The following CADPS variants were observed in gnomAD, a reference collection of about 807,000 sequenced individuals.
CADPS encodes calcium dependent secretion activator.
A neutral mutation model predicts 167.3 loss-of-function variants in CADPS; 57 were observed. The observed-to-expected ratio is 0.34, with a 90% CI of 0.28 to 0.42. The LOEUF (loss-of-function observed/expected upper bound fraction) is 0.42. CADPS is among the 20% of genes least tolerant of loss of function. The probability of loss-of-function intolerance (pLI) is 1.00; values close to 1 mark genes in which losing one functional copy is unlikely to be tolerated. For missense variants in CADPS, 1,414 were observed against 1,738.1 expected, an observed-to-expected ratio of 0.81 and a Z score of 3.32; for synonymous variants, 676 against 635.3, an observed-to-expected ratio of 1.06 and a Z score of -0.96.
intron 3 of CADPS, among the ~76,000 whole-genome samples, chr3:62,707,207 G>A (rs1306142760): frequency 6.6e-6 from 1 of 152,018 alleles, no homozygotes; most frequent in Non-Finnish European, 1.5e-5. Context: ...ATTCTTATAG[G>A]AGCGCGAACC....
At chr3:62,414,033 T>C (rs2149291921) in intron 28 of CADPS, among the ~76,000 whole-genome samples, 1 of 152,352 alleles carries the variant, frequency 6.6e-6, no homozygotes, top group African/African-American at 2.4e-5. Flanking sequence ...ATTTGCTCAG[T>C]CATTTATTTG....
In CADPS at chr3:62,545,161, A is replaced by G. The variant is rs139837873; in HGVS notation, c.1966+4742T>C. Among the ~76,000 whole-genome samples, 359 of 152,288 alleles carry G rather than the reference A, an allele frequency of 2.4e-3. 1 individual carries two copies. The highest frequency in any genetic ancestry group is 3.8e-3 in the Non-Finnish European group (261 of 68,012). On this transcript the variant is annotated intron_variant, in intron 11 of 29. Transcript: ENST00000383710. ...TTAACAGTTATTAGTTGAGAAACAG[A>G]CATTAAAATGACTCATTGCAAGTGA...
intron 4 of CADPS, among the ~76,000 whole-genome samples, chr3:62,652,947 T>C (rs1050267612): frequency 3.3e-5 from 5 of 152,162 alleles, no homozygotes; most frequent in Admixed American, 1.3e-4. Flanking sequence ...TTCTTCTCCA[T>C]AGAGCTTGGA....
intron 4 of CADPS, among the ~76,000 whole-genome samples, chr3:62,656,914 C>T (rs903455648): frequency 2.0e-5 from 3 of 152,094 alleles, no homozygotes; most frequent in African/African-American, 4.8e-5. Context: ...TATATTTTTC[C>T]GTGAGCTCAG....
chr3:62,795,653 A>T (rs566710817), intron 1 of CADPS, among the ~76,000 whole-genome samples: 1 of 152,146 alleles, frequency 6.6e-6, no homozygotes, highest in Non-Finnish European at 1.5e-5. Context: ...AGTGCCAGAC[A>T]TTGGAGGTCA....
At chr3:62,729,454 G>C (rs1441061349) in intron 3 of CADPS, among the ~76,000 whole-genome samples, 1 of 151,786 alleles carries the variant, frequency 6.6e-6, no homozygotes, top group African/African-American at 2.4e-5. Flanking sequence ...AAGGTGGTTT[G>C]CACACCAGCC....
At chr3:62,556,738 T>C (rs1382277735) in intron 10 of CADPS, among the ~76,000 whole-genome samples, 1 of 151,946 alleles carries the variant, frequency 6.6e-6, no homozygotes, top group African/African-American at 2.4e-5. Context: ...GGGCAGGATG[T>C]AGAACTTATG....
intron 28 of CADPS, among the ~76,000 whole-genome samples, chr3:62,436,151 G>T (rs1486924446): frequency 6.6e-6 from 1 of 152,076 alleles, no homozygotes; most frequent in Non-Finnish European, 1.5e-5. Flanking sequence ...GCTGCGTTCA[G>T]CAAGGCTACC....
rs559928669 is a variant in CADPS at position 62,596,071 on chromosome 3, G to GT, written c.1326-3324dup. 1.9e-4 allele frequency among the ~76,000 whole-genome samples: 27 copies of GT among 144,278 alleles called. No homozygotes were observed. In the East Asian group the frequency reaches 5.3e-3, roughly 29 times the overall value. The allele number at this position is 144,278 out of a possible 152,430, so 94.7% of individuals were successfully genotyped here. A position where few individuals can be genotyped will look rare whatever the true frequency, so the allele number is the denominator to read the frequency against. On this transcript the variant is annotated intron_variant, in intron 6 of 29. Transcript: ENST00000383710. ...GTAAGTTAATACTTAATTAACTCCC[G>GT]TTTTTATATATATGTATACACACAC... is the stretch of plus-strand genomic sequence containing the variant.
chr3:62,626,338 C>T (rs2248008), intron 6 of CADPS: 442,932 of 463,192 alleles, frequency 0.96, 212,182 homozygotes, highest in East Asian at 1. Context: ...CAAGCTGGCA[C>T]GGATTTACTA....
chr3:62,471,009 T>C (rs895473005), intron 24 of CADPS, among the ~76,000 whole-genome samples: 3 of 152,182 alleles, frequency 2.0e-5, no homozygotes, highest in South Asian at 4.1e-4. Flanking sequence ...ATGTCAAAAA[T>C]GTTACTGCAA....
rs1034588168 is a variant in CADPS, at chr3:62,601,863, T to G, written c.1326-9115A>C. Among the ~76,000 whole-genome samples, 4 of 152,016 alleles carry G rather than the reference T, an allele frequency of 2.6e-5. No homozygotes were observed. Among genetic ancestry groups the G allele is most frequent in the African/African-American group, 9.7e-5 (4 of 41,392 alleles). The stretch of plus-strand genomic sequence containing the variant: ...GAACACTTTGATCTGGGGGAGAAAA[T>G]GAGGGAGAAGAATATGCTTTTGGGA... On this transcript the variant is annotated intron_variant, in intron 6 of 29. Transcript: ENST00000383710. This position sits in a 1 kb window ranked among gnomAD's most constrained non-coding sequence, Gnocchi z 4.3.
At chr3:62,863,809 G>T (rs960335590) in intron 1 of CADPS, among the ~76,000 whole-genome samples, 3 of 152,224 alleles carry the variant, frequency 2.0e-5, no homozygotes, top group Admixed American at 6.5e-5. Context: ...AAGATTTTAA[G>T]ATGAGTTGCA....
chr3:62,795,637 C>T (rs2093353993), intron 1 of CADPS, among the ~76,000 whole-genome samples: 1 of 152,082 alleles, frequency 6.6e-6, no homozygotes, highest in Non-Finnish European at 1.5e-5. Context: ...CATTGAGTGC[C>T]CACAAAGTGC....
Position 62,875,030 on chromosome 3 carries a change from A to C in CADPS, c.-1T>G, listed in dbSNP as rs1447834908. On this transcript the variant is annotated 5_prime_UTR_variant, in exon 1 of 30. Coordinates refer to ENST00000383710, the MANE Select transcript of CADPS (RefSeq NM_003716.4). ...CTTCGCTGGACGAAGGGTCCAGCAT[A>C]GTGGCGCCTGGGGAGCGGGGTCTCT... The C allele has an allele frequency of 2.5e-6, 4 of 1,580,744 alleles. No individual in the cohort carries two copies. The highest frequency in any genetic ancestry group is 1.7e-6 in the Non-Finnish European group (2 of 1,163,030).
chr3:62,699,059 C>T (rs963922457), intron 3 of CADPS, among the ~76,000 whole-genome samples: 1 of 151,968 alleles, frequency 6.6e-6, no homozygotes, highest in Admixed American at 6.6e-5. Flanking sequence ...TTTTGGCACA[C>T]CCATCACCCA....
intron 17 of CADPS, among the ~76,000 whole-genome samples, chr3:62,503,717 T>C (rs2066150387): frequency 6.6e-6 from 1 of 152,238 alleles, no homozygotes; most frequent in Admixed American, 6.5e-5. Flanking sequence ...ATCAAATATG[T>C]TACTTGCTAT....
Position 62,757,092 on chromosome 3 carries a change from G to A in CADPS, c.556-3319C>T, listed in dbSNP as rs542114847. Among the ~76,000 whole-genome samples the A allele has an allele frequency of 3.9e-5, 6 of 152,278 alleles. No homozygotes were observed. The South Asian group carries it at 8.3e-4, about 21-fold the overall frequency. ...GAGGCCAGTTGAGAGGTGCTTGTAC[G>A]AGACCGGGTGAGTGTGATGGCAGTG... On this transcript the variant is annotated intron_variant, in intron 2 of 29. Transcript: ENST00000383710.
chr3:62,544,769 G>T lies in CADPS; in HGVS notation c.1966+5134C>A. 1 of 664,944 alleles carries T rather than the reference G, an allele frequency of 1.5e-6. No individual in the cohort carries two copies. The highest frequency in any genetic ancestry group is 2.0e-6 in the Non-Finnish European group (1 of 502,298). 41.2% of individuals were successfully genotyped at this position (664,944 alleles called of 1,614,324 possible). On this transcript the variant is annotated intron_variant, in intron 11 of 29. Coordinates refer to ENST00000383710, the MANE Select transcript of CADPS (RefSeq NM_003716.4). This position sits in a 1 kb window ranked among gnomAD's most constrained non-coding sequence, Gnocchi z 4.4. ...AATTCTAGACATGAGGAAGATTTAA[G>T]GGGGAGGGAAGCACATTGCAGGTGT...
Sources: gnomAD v4.1 joint callset for allele counts (sites outside exome capture counted in the v4.1 genomes callset) on GRCh38, gnomAD v4.1.1 for gene constraint, Gnocchi (gnomAD v3.1) non-coding constraint, MANE v1.5 for transcripts, NCBI Gene and HGNC (gene_info 2026-07-23, HGNC 2026-07-21) for gene names.